SCLT1: variants seen among roughly 807,000 people sequenced by gnomAD.
SCLT1 encodes sodium channel-associated protein 1.
A neutral mutation model predicts 112.8 loss-of-function variants in SCLT1; 78 were observed. That is an observed-to-expected ratio of 0.69 (90% CI 0.58 to 0.83). The LOEUF is 0.83. SCLT1 is among the 40% of genes least tolerant of loss of function. The probability of loss-of-function intolerance (pLI) is 0.00; values close to 1 mark genes in which losing one functional copy is unlikely to be tolerated. For synonymous variants in SCLT1, 257 were observed against 254.7 expected, an observed-to-expected ratio of 1.01 and a Z score of -0.09; for missense variants, 747 against 770.4, an observed-to-expected ratio of 0.97 and a Z score of 0.36.
At chr4:128,901,411 T>C (rs1180853832) in intron 18 of SCLT1, among the ~76,000 whole-genome samples, 1 of 151,740 alleles carries the variant, frequency 6.6e-6, no homozygotes, top group Non-Finnish European at 1.5e-5. Context: ...CTCAGCAAAC[T>C]ATCGCAAGGA....
intron 2 of SCLT1, among the ~76,000 whole-genome samples, chr4:129,051,651 T>C (rs1184174765): frequency 6.6e-6 from 1 of 152,214 alleles, no homozygotes; most frequent in African/African-American, 2.4e-5. Flanking sequence ...TTTCTAAATA[T>C]ATAATCATGT....
At chr4:128,939,812 T>G (rs536984447) in intron 17 of SCLT1, among the ~76,000 whole-genome samples, 106 of 152,340 alleles carry the variant, frequency 7.0e-4, no homozygotes, top group Middle Eastern at 3.4e-3. Context: ...CTTTATCTTT[T>G]TGGCTTCTTT....
chr4:128,878,695 A>T (rs1413009826), intron 3 of SCLT1, among the ~76,000 whole-genome samples: 2 of 152,224 alleles, frequency 1.3e-5, no homozygotes, highest in African/African-American at 4.8e-5. Context: ...TTGGTCGATT[A>T]AAATTGGTGA....
chr4:128,991,190 T>C (rs1742535897), intron 9 of SCLT1, among the ~76,000 whole-genome samples: 1 of 151,912 alleles, frequency 6.6e-6, no homozygotes, highest in Admixed American at 6.6e-5. Context: ...ACTACAAATG[T>C]ATAGTAACCA....
At chr4:129,036,052 G>T (rs1747155399) in intron 5 of SCLT1, among the ~76,000 whole-genome samples, 1 of 151,768 alleles carries the variant, frequency 6.6e-6, no homozygotes, top group Non-Finnish European at 1.5e-5. Context: ...GTATATATAA[G>T]GTATTTTCTT....
rs747632827 is a variant in SCLT1, at chr4:128,992,179, C to T, written c.674G>A (p.Arg225Gln). The T allele has an allele frequency of 5.0e-6, 8 of 1,586,214 alleles. No individual in the cohort carries two copies. Among genetic ancestry groups the T allele is most frequent in the South Asian group, 2.3e-5 (2 of 87,106 alleles). ...TEQSVIIEQL[R>Q]KKLRQAKLEL... ...TTTTTGAAAATACCTAAGTTTTTTTCGGAGTTGTTCGATTATCACACTTTG... is the reference window on the plus strand; with the variant it reads ...TTTTTGAAAATACCTAAGTTTTTTTTGGAGTTGTTCGATTATCACACTTTG... The change falls in exon 9 of 21, where the codon CGA becomes CAA. Residue 225 changes from arginine (R) to glutamine (Q), a missense_variant. Around this residue, in one of 2 missense-constraint regions of SCLT1, gnomAD observed 723 missense variants for 721.3 expected, o/e 1.00. Transcript: ENST00000281142.
intron 5 of SCLT1, among the ~76,000 whole-genome samples, chr4:129,014,140 G>T (rs924892232): frequency 6.6e-6 from 1 of 152,056 alleles, no homozygotes; most frequent in Admixed American, 6.6e-5. Flanking sequence ...TTATTGTAGT[G>T]TCTTTTTCAG....
intron 2 of SCLT1, among the ~76,000 whole-genome samples, chr4:129,079,083 C>G (rs1376977075): frequency 1.3e-5 from 2 of 152,160 alleles, no homozygotes; most frequent in Non-Finnish European, 2.9e-5. Context: ...ACAATCACCT[C>G]CCACCAGGGC....
At chr4:128,977,881 G>T (rs1276323014) in intron 9 of SCLT1, among the ~76,000 whole-genome samples, 1 of 152,140 alleles carries the variant, frequency 6.6e-6, no homozygotes, top group Non-Finnish European at 1.5e-5. Context: ...GTGATATATT[G>T]TGTGGAGAAT....
chr4:129,093,090 A>AT lies in SCLT1; in HGVS notation c.13dup (p.Ile5AsnfsTer13). ...CTTACTTTGCTCTCTCAGAAAGTCG[A>AT]TTTCTGCAGCCATTTCGATACAATT... is the stretch of plus-strand genomic sequence containing the variant. On this transcript the variant is annotated frameshift_variant, in exon 1 of 21. Transcript: ENST00000281142. LOFTEE classifies it high-confidence loss of function. 5 of 1,613,320 alleles carry AT rather than the reference A, an allele frequency of 3.1e-6. No individual in the cohort carries two copies. Among genetic ancestry groups the AT allele is most frequent in the Non-Finnish European group, 4.2e-6 (5 of 1,179,190 alleles).
At chr4:129,074,194 A>G (rs1190313505) in intron 2 of SCLT1, among the ~76,000 whole-genome samples, 1 of 152,164 alleles carries the variant, frequency 6.6e-6, no homozygotes, top group African/African-American at 2.4e-5. Context: ...TTCCTACAAT[A>G]TGGTCATTTT....
intron 18 of SCLT1, 132 bp downstream of exon 18, chr4:128,936,523 T>A (rs960753421): frequency 2.0e-6 from 1 of 506,446 alleles, no homozygotes; most frequent in East Asian, 3.2e-5. Context: ...AGTAGTTTCA[T>A]AAATATTTAC....
intron 10 of SCLT1, among the ~76,000 whole-genome samples, chr4:128,968,569 T>C (rs1430226663): frequency 6.6e-6 from 1 of 152,192 alleles, no homozygotes; most frequent in East Asian, 1.9e-4. Context: ...CCATTTAAAG[T>C]CAGTTTCTAA....
chr4:129,026,928 T>C lies in SCLT1; in HGVS notation c.290+12113A>G, dbSNP rs918385490. ...TCAGAGAATACTACAAACACCTCTA[T>C]GCAAATAAACTAGAAAATCTAGAAG... On this transcript the variant is annotated intron_variant, in intron 5 of 20. Coordinates refer to ENST00000281142, the MANE Select transcript of SCLT1 (RefSeq NM_144643.4). Among the ~76,000 whole-genome samples, 25 of 152,184 alleles carry C rather than the reference T, an allele frequency of 1.6e-4. No individual in the cohort carries two copies. The East Asian group carries it at 3.7e-3, about 22-fold the overall frequency.
At chr4:128,924,133 T>C (rs1477650183) in intron 18 of SCLT1, among the ~76,000 whole-genome samples, 2 of 152,140 alleles carry the variant, frequency 1.3e-5, no homozygotes, top group East Asian at 3.8e-4. Flanking sequence ...AATTGTCTAT[T>C]ATTACTGAGT....
chr4:129,043,982 T>G lies in SCLT1; in HGVS notation c.161+11A>C. 1 of 1,317,826 alleles carries G rather than the reference T, an allele frequency of 7.6e-7. No homozygotes were observed. The highest frequency in any genetic ancestry group is 1.2e-5 in the South Asian group (1 of 81,184). The allele number at this position is 1,317,826 out of a possible 1,614,324, so 81.6% of individuals were successfully genotyped here. A position where few individuals can be genotyped will look rare whatever the true frequency, so the allele number is the denominator to read the frequency against. ...AACGAAGAAAATGATATTATTCTGG[T>G]AATACTTTACCTTTGGTCAAATACT... On this transcript the variant is annotated intron_variant, in intron 3 of 20. Coordinates refer to ENST00000281142, the MANE Select transcript of SCLT1 (RefSeq NM_144643.4).
chr4:128,945,841 T>G (rs1398707297), intron 16 of SCLT1, among the ~76,000 whole-genome samples, 166 bp downstream of exon 16: 1 of 152,144 alleles, frequency 6.6e-6, no homozygotes, highest in Non-Finnish European at 1.5e-5. Context: ...CTGCAGAAAT[T>G]CGCTTTCAGA....
At chr4:128,931,980 G>T in intron 18 of SCLT1, among the ~76,000 whole-genome samples, 1 of 150,542 alleles carries the variant, frequency 6.6e-6, no homozygotes. Flanking sequence ...TAGCCCATCT[G>T]GTTTAATATC....
chr4:128,927,535 A>G (rs1019665928), intron 18 of SCLT1, among the ~76,000 whole-genome samples: 4 of 152,004 alleles, frequency 2.6e-5, no homozygotes, highest in Non-Finnish European at 5.9e-5. Context: ...AGATTGTGCC[A>G]CTGCATATCA....
Sources: gnomAD v4.1 joint callset for allele counts (sites outside exome capture counted in the v4.1 genomes callset) on GRCh38, gnomAD v4.1.1 for gene constraint, gnomAD v4.1.1 regional missense constraint, MANE v1.5 for transcripts, NCBI Gene and HGNC (gene_info 2026-07-23, HGNC 2026-07-21) for gene names.